PCDH15: variants seen among roughly 807,000 people sequenced by gnomAD.
PCDH15 encodes protocadherin-15.
Under a neutral mutation model 178.5 loss-of-function variants are expected in PCDH15, and 129 were observed. The observed-to-expected ratio is 0.72, with a 90% CI of 0.63 to 0.84. The LOEUF is 0.84. PCDH15 is among the 40% of genes least tolerant of loss of function. The pLI is 0.00. For missense variants in PCDH15, 2,230 were observed against 2,099.9 expected (o/e 1.06, Z -1.21); for synonymous variants, 800 against 732.0 (o/e 1.09, Z -1.50).
chr10:53,830,113 C>A (rs983769553), intron 30 of PCDH15, among the ~76,000 whole-genome samples: 1 of 151,992 alleles, frequency 6.6e-6, no homozygotes, highest in Non-Finnish European at 1.5e-5. Flanking sequence ...ACCAGCCTGA[C>A]CAACATGGTG....
intron 2 of PCDH15, among the ~76,000 whole-genome samples, chr10:54,907,932 TGAA>T (rs1954752730): frequency 6.6e-6 from 1 of 152,236 alleles, no homozygotes; most frequent in Non-Finnish European, 1.5e-5. Context: ...CCCCTCTTTC[TGAA>T]GAAGTATGCT....
chr10:54,328,339 A>G (rs1226235513), intron 7 of PCDH15, among the ~76,000 whole-genome samples: 1 of 152,016 alleles, frequency 6.6e-6, no homozygotes, highest in Non-Finnish European at 1.5e-5. Context: ...GGTTATTTCA[A>G]AAACGTAAGC....
At position 53,977,265 on chromosome 10, in the gene PCDH15, G is replaced by T. The variant is rs184039904; in HGVS notation, c.2869-15373C>A. On this transcript the variant is annotated intron_variant, in intron 21 of 37. Coordinates refer to ENST00000644397, the MANE Select transcript of PCDH15 (RefSeq NM_001384140.1). ...TTAGCTTCCTTGGGCCACATTGGAA[G>T]AAGAATTATCTTGTGCCACACATAT... Among the ~76,000 whole-genome samples the T allele has an allele frequency of 2.4e-4, 37 of 152,218 alleles. No homozygotes were observed. In the East Asian group the frequency reaches 7.2e-3, roughly 29 times the overall value.
chr10:54,410,828 C>T (rs1953379917), intron 3 of PCDH15, among the ~76,000 whole-genome samples: 1 of 152,022 alleles, frequency 6.6e-6, no homozygotes, highest in African/African-American at 2.4e-5. Context: ...CAGTTACTTT[C>T]AAAAATGATA....
At chr10:54,998,284 G>A (rs1293140465) in intron 2 of PCDH15, among the ~76,000 whole-genome samples, 1 of 151,636 alleles carries the variant, frequency 6.6e-6, no homozygotes, top group Non-Finnish European at 1.5e-5. Context: ...TTTTTTTCCT[G>A]TTTCTCTGTG....
chr10:54,571,239 G>A (rs2133577015), intron 2 of PCDH15, among the ~76,000 whole-genome samples: 1 of 151,820 alleles, frequency 6.6e-6, no homozygotes, highest in Admixed American at 6.6e-5. Context: ...GGGGTACCTG[G>A]GGCTTAAAAG....
intron 2 of PCDH15, among the ~76,000 whole-genome samples, chr10:55,593,064 A>G (rs1353494948): frequency 6.6e-6 from 1 of 151,966 alleles, no homozygotes; most frequent in Non-Finnish European, 1.5e-5. Flanking sequence ...GTGAATATTG[A>G]AAACTGAAAT....
chr10:53,878,522 G>GTATA (rs762934968), intron 26 of PCDH15, among the ~76,000 whole-genome samples: 6 of 140,320 alleles, frequency 4.3e-5, no homozygotes, highest in African/African-American at 1.7e-4. Flanking sequence ...GTGTGTGTGT[G>GTATA]TATATATATA....
At chr10:55,053,900 G>A (rs992568474) in intron 2 of PCDH15, among the ~76,000 whole-genome samples, 3 of 152,164 alleles carry the variant, frequency 2.0e-5, no homozygotes, top group Admixed American at 2.0e-4. Context: ...TTACCTAGAT[G>A]TATTTTATTC....
intron 2 of PCDH15, among the ~76,000 whole-genome samples, chr10:55,496,291 C>A (rs1840532323): frequency 6.6e-6 from 1 of 151,700 alleles, no homozygotes; most frequent in Admixed American, 6.6e-5. Context: ...TAAATAAGCA[C>A]AAATGCGTGT....
At chr10:54,895,632 G>A (rs771443354) in intron 3 of PCDH15, among the ~76,000 whole-genome samples, 1 of 152,044 alleles carries the variant, frequency 6.6e-6, no homozygotes, top group Non-Finnish European at 1.5e-5. Flanking sequence ...GCCTAAAAGA[G>A]GCAAGAAATT....
intron 2 of PCDH15, among the ~76,000 whole-genome samples, chr10:55,461,944 T>A (rs1329321569): frequency 6.6e-6 from 1 of 152,116 alleles, no homozygotes; most frequent in African/African-American, 2.4e-5. Flanking sequence ...ACATCCTTAC[T>A]ATGCCACTAC....
chr10:54,263,994 C>T (rs2057503146), intron 8 of PCDH15, among the ~76,000 whole-genome samples: 2 of 152,086 alleles, frequency 1.3e-5, no homozygotes, highest in African/African-American at 4.8e-5. Flanking sequence ...ATGCTGGATG[C>T]TTCCAGTTCT....
In PCDH15 at chr10:54,531,621, T is replaced by A. The variant is rs114962576; in HGVS notation, c.92-3744A>T. Among the ~76,000 whole-genome samples, 1,130 of 152,276 alleles carry A rather than the reference T, an allele frequency of 7.4e-3. 10 individuals are homozygous for A. The highest frequency in any genetic ancestry group is 0.025 in the African/African-American group (1,053 of 41,566). On this transcript the variant is annotated intron_variant, in intron 2 of 37. Coordinates refer to ENST00000644397, the MANE Select transcript of PCDH15 (RefSeq NM_001384140.1). ...AGGAATTCAAATTCTATTCCCACTTTAGCCTATTCTCAAAATGTTCTTTTA... is the reference window on the plus strand; with the variant it reads ...AGGAATTCAAATTCTATTCCCACTTAAGCCTATTCTCAAAATGTTCTTTTA...
intron 3 of PCDH15, among the ~76,000 whole-genome samples, chr10:54,834,781 T>C (rs1385444337): frequency 6.6e-6 from 1 of 152,192 alleles, no homozygotes; most frequent in East Asian, 1.9e-4. Flanking sequence ...GTATGTTACT[T>C]TTGCACTTGT....
chr10:55,260,442 G>A (rs1386711097), intron 1 of PCDH15, among the ~76,000 whole-genome samples: 4 of 152,004 alleles, frequency 2.6e-5, no homozygotes, highest in African/African-American at 7.2e-5. Flanking sequence ...CATTATTTTC[G>A]AGAAGAAATA....
chr10:55,061,521 A>G (rs1044876765), intron 2 of PCDH15, among the ~76,000 whole-genome samples: 3 of 152,186 alleles, frequency 2.0e-5, no homozygotes, highest in African/African-American at 7.2e-5. Flanking sequence ...AACAGCCTTC[A>G]CCGTATGATC....
chr10:54,332,617 T>G (rs1394493974), intron 6 of PCDH15, among the ~76,000 whole-genome samples: 1 of 151,540 alleles, frequency 6.6e-6, no homozygotes, highest in East Asian at 1.9e-4. Context: ...GTCTTTGATG[T>G]GATCTCACAT....
At position 55,483,438 on chromosome 10, in the gene PCDH15, C is replaced by T. The variant is rs1840227334; in HGVS notation, c.-156+144187G>A. ...CAATGTGATGCCATCTAACGCCAGTCAGAATGGTCATTAAAAATAAAAAAA... is the reference window on the plus strand; with the variant it reads ...CAATGTGATGCCATCTAACGCCAGTTAGAATGGTCATTAAAAATAAAAAAA... On this transcript the variant is annotated intron_variant, in intron 2 of 5. Transcript: ENST00000613346. Among the ~76,000 whole-genome samples the T allele has an allele frequency of 2.0e-5, 3 of 151,608 alleles. No homozygotes were observed. The South Asian group carries it at 6.2e-4, about 31-fold the overall frequency.
Sources: gnomAD v4.1 joint callset for allele counts (sites outside exome capture counted in the v4.1 genomes callset) on GRCh38, gnomAD v4.1.1 for gene constraint, MANE v1.5 for transcripts, NCBI Gene and HGNC (gene_info 2026-07-23, HGNC 2026-07-21) for gene names.